Variants in GABBR2 observed in about 807,000 individuals in gnomAD.
The protein encoded by GABBR2 is gamma-aminobutyric acid type B receptor subunit 2.
Under a neutral mutation model 105.6 loss-of-function variants are expected in GABBR2, and 23 were observed. The ratio of observed to expected loss-of-function variants is 0.22; its 90% confidence interval spans 0.16 to 0.31. GABBR2 has a LOEUF of 0.31. Among genes scored for constraint, GABBR2 ranks in the 10% least tolerant of loss-of-function variants. The probability of loss-of-function intolerance (pLI) is 1.00; values close to 1 mark genes in which losing one functional copy is unlikely to be tolerated. For synonymous variants in GABBR2, 478 were observed against 499.7 expected, an observed-to-expected ratio of 0.96 and a Z score of 0.58; for missense variants, 734 against 1,245.5, an observed-to-expected ratio of 0.59 and a Z score of 6.18.
chr9:98,649,395 G>T (rs1004354119), intron 1 of GABBR2, among the ~76,000 whole-genome samples: 3 of 152,066 alleles, frequency 2.0e-5, no homozygotes, highest in Non-Finnish European at 2.9e-5. Flanking sequence ...GCCCCTTACG[G>T]CCCCAAAGAG....
chr9:98,455,540 G>T (rs895233329), intron 6 of GABBR2, among the ~76,000 whole-genome samples: 1 of 152,328 alleles, frequency 6.6e-6, no homozygotes, highest in Non-Finnish European at 1.5e-5. Flanking sequence ...CATGTCCAAG[G>T]TTACACAGCC....
chr9:98,695,161 C>G (rs1830733202), intron 1 of GABBR2, among the ~76,000 whole-genome samples: 1 of 152,208 alleles, frequency 6.6e-6, no homozygotes, highest in African/African-American at 2.4e-5. Flanking sequence ...ATGCGAAACA[C>G]ATTTGCAAGG....
rs1225995580 is a variant in GABBR2, at chr9:98,447,309, C to T, written c.1236+6672G>A. ...CGATCTCCTGACCTCGTGATCCACC[C>T]GCCTCGGCCTCCCAAAGTGCTGGGA... is the stretch of plus-strand genomic sequence containing the variant. On this transcript the variant is annotated intron_variant, in intron 7 of 18. Transcript: ENST00000259455. Among the ~76,000 whole-genome samples, 10 of 112,774 alleles carry T rather than the reference C, an allele frequency of 8.9e-5. 2 individuals carry two copies. Among genetic ancestry groups the T allele is most frequent in the Admixed American group, 2.7e-4 (3 of 11,012 alleles). 74.0% of individuals were successfully genotyped at this position (112,774 alleles called of 152,430 possible).
intron 4 of GABBR2, among the ~76,000 whole-genome samples, chr9:98,491,281 T>G (rs996363604): frequency 1.3e-5 from 2 of 152,240 alleles, no homozygotes; most frequent in African/African-American, 2.4e-5. Context: ...TAGTTTGACT[T>G]GCTTGGTAGA....
chr9:98,704,993 A>C (rs1314487006), intron 1 of GABBR2, among the ~76,000 whole-genome samples: 2 of 151,818 alleles, frequency 1.3e-5, no homozygotes, highest in Non-Finnish European at 1.5e-5. Context: ...GATTTTTTAG[A>C]TCAAACATTA....
intron 1 of GABBR2, among the ~76,000 whole-genome samples, chr9:98,645,956 A>G (rs1052453428): frequency 1.8e-4 from 27 of 152,216 alleles, no homozygotes; most frequent in African/African-American, 4.8e-4. Context: ...AAGTGTAAAT[A>G]ACTTGCCCAC....
intron 1 of GABBR2, among the ~76,000 whole-genome samples, chr9:98,650,142 T>C (rs1830085877): frequency 2.0e-5 from 3 of 152,204 alleles, no homozygotes; most frequent in South Asian, 4.2e-4. Flanking sequence ...TTAAAAAATT[T>C]TTCATGTGTT....
chr9:98,385,582 C>G (rs1452548512), intron 11 of GABBR2, 58 bp downstream of exon 11: 1 of 1,455,726 alleles, frequency 6.9e-7, no homozygotes, highest in African/African-American at 1.4e-5. Flanking sequence ...TTTTCGATGA[C>G]TGAGGTCACC....
At chr9:98,541,811 C>T (rs1382847726) in intron 3 of GABBR2, 62 bp downstream of exon 3, 2 of 1,510,992 alleles carry the variant, frequency 1.3e-6, no homozygotes, top group African/African-American at 2.7e-5. Flanking sequence ...AACCACATTG[C>T]CTTTTGCTAG....
At chr9:98,559,366 G>A (rs1337429658) in intron 2 of GABBR2, among the ~76,000 whole-genome samples, 2 of 152,228 alleles carry the variant, frequency 1.3e-5, no homozygotes, top group South Asian at 2.1e-4. Flanking sequence ...CTGGCCTCAA[G>A]TGATCCATCC....
intron 3 of GABBR2, among the ~76,000 whole-genome samples, chr9:98,497,937 A>G (rs2131673163): frequency 6.6e-6 from 1 of 152,384 alleles, no homozygotes; most frequent in African/African-American, 2.4e-5. Flanking sequence ...ACCCATGTTC[A>G]TAAGAACATT....
chr9:98,528,606 A>C (rs1354771766), intron 3 of GABBR2, among the ~76,000 whole-genome samples: 1 of 149,036 alleles, frequency 6.7e-6, no homozygotes, highest in African/African-American at 2.4e-5. Context: ...AAGAGCTCTT[A>C]TAAATCAGTA....
intron 1 of GABBR2, among the ~76,000 whole-genome samples, chr9:98,619,898 A>C (rs1443274409): frequency 6.6e-6 from 1 of 152,196 alleles, no homozygotes; most frequent in African/African-American, 2.4e-5. Flanking sequence ...GAGCTTCCCA[A>C]GCTTCACGCA....
At chr9:98,633,593 C>CAG (rs1829840923) in intron 1 of GABBR2, among the ~76,000 whole-genome samples, 2 of 148,262 alleles carry the variant, frequency 1.3e-5, no homozygotes, top group Non-Finnish European at 3.0e-5. Flanking sequence ...CATTGCACTC[C>CAG]AGCCTGGGCA....
intron 13 of GABBR2, among the ~76,000 whole-genome samples, chr9:98,319,451 A>AT (rs35941189): frequency 0.16 from 23,620 of 145,160 alleles, 2,475 homozygotes; most frequent in East Asian, 0.32. Flanking sequence ...AGTTTGGGTG[A>AT]TTTTTTTTTT....
chr9:98,289,677 T>G lies in GABBR2; in HGVS notation c.*907A>C, dbSNP rs1027488222. 2 of 151,450 alleles carry G rather than the reference T, an allele frequency of 1.3e-5. No homozygotes were observed. Among genetic ancestry groups the G allele is most frequent in the Non-Finnish European group, 2.9e-5 (2 of 67,854 alleles). 9.4% of individuals were successfully genotyped at this position (151,450 alleles called of 1,614,324 possible). ...ATCCCAGCCAGCCCTTGGGCCCTGA[T>G]GAGAGAGGTTAAAGTGCACAATCTT... On this transcript the variant is annotated 3_prime_UTR_variant, in exon 19 of 19. Transcript: ENST00000259455.
intron 2 of GABBR2, among the ~76,000 whole-genome samples, chr9:98,552,992 C>T (rs1275732881): frequency 6.6e-6 from 1 of 152,012 alleles, no homozygotes; most frequent in East Asian, 1.9e-4. Flanking sequence ...CCTCCTGCCT[C>T]TACCTCCTGA....
chr9:98,595,849 C>A (rs1167764), intron 1 of GABBR2, among the ~76,000 whole-genome samples: 2 of 151,906 alleles, frequency 1.3e-5, no homozygotes, highest in Non-Finnish European at 2.9e-5. Flanking sequence ...TGGAGATGAG[C>A]CAATCTGGGT....
intron 1 of GABBR2, among the ~76,000 whole-genome samples, chr9:98,630,260 A>G (rs1265803213): frequency 6.6e-6 from 1 of 152,210 alleles, no homozygotes; most frequent in Non-Finnish European, 1.5e-5. Flanking sequence ...CCCTGACTTA[A>G]ATCCCCCTGG....
Sources: gnomAD v4.1 joint callset for allele counts (sites outside exome capture counted in the v4.1 genomes callset) on GRCh38, gnomAD v4.1.1 for gene constraint, MANE v1.5 for transcripts, NCBI Gene and HGNC (gene_info 2026-07-23, HGNC 2026-07-21) for gene names.